The following DMXL1 variants were observed in gnomAD, a reference collection of about 807,000 sequenced individuals.
DMXL1 encodes Dmx like 1.
In DMXL1, 99 loss-of-function variants were observed where a neutral mutation model predicts 319.2. The observed-to-expected ratio is 0.31, with a 90% CI of 0.26 to 0.37. The LOEUF (loss-of-function observed/expected upper bound fraction) is 0.37, where lower values mean the gene tolerates loss of function less well. Among genes scored for constraint, DMXL1 ranks in the 10% least tolerant of loss-of-function variants. The pLI, the probability that DMXL1 is intolerant of heterozygous loss-of-function variation, is 1.00. For missense variants in DMXL1, 3,745 were observed against 3,595.6 expected, an observed-to-expected ratio of 1.04 and a Z score of -1.06; for synonymous variants, 1,385 against 1,235.2, an observed-to-expected ratio of 1.12 and a Z score of -2.54.
At position 119,129,355 on chromosome 5, in the gene DMXL1, G is replaced by A. The variant is rs752243740; in HGVS notation, c.1247G>A (p.Ser416Asn). 1.2e-6 allele frequency: 2 copies of A among 1,613,794 alleles called. No homozygotes were observed. Among genetic ancestry groups the A allele is most frequent in the Non-Finnish European group, 1.7e-6 (2 of 1,179,892 alleles). Residue 416 changes from serine (S) to asparagine (N), a missense_variant, in exon 10 of 44, where the codon AGT (serine) becomes AAT (asparagine). This residue lies in a region of DMXL1 where 2,096 missense variants were observed against 1,985.4 expected (regional missense o/e 1.06). Coordinates refer to ENST00000539542, the MANE Select transcript of DMXL1 (RefSeq NM_001290321.3). ...MEVFLQQLRK[S>N]FEQPSSEASV... ...GTTTTTTTACAGCAACTTAGAAAAA[G>A]TTTTGAACAACCATCTTCTGAGGCC...
intron 1 of DMXL1, chr5:119,081,591 A>C: frequency 1.1e-5 from 11 of 985,370 alleles, no homozygotes; most frequent in Non-Finnish European, 1.3e-5. Flanking sequence ...AAGAACTCCT[A>C]AGTGTTGGAT....
At chr5:119,095,171 T>C (rs1238751490) in intron 1 of DMXL1, among the ~76,000 whole-genome samples, 1 of 152,188 alleles carries the variant, frequency 6.6e-6, no homozygotes, top group Non-Finnish European at 1.5e-5. Context: ...AATAATTTTA[T>C]TTGATTTAAA....
intron 10 of DMXL1, among the ~76,000 whole-genome samples, chr5:119,130,492 G>A (rs1284127950): frequency 2.6e-5 from 4 of 152,002 alleles, no homozygotes; most frequent in Non-Finnish European, 5.9e-5. Context: ...ACAGGCATCC[G>A]CCACCACACC....
intron 1 of DMXL1, among the ~76,000 whole-genome samples, chr5:119,094,454 C>T (rs1755483119): frequency 1.3e-5 from 2 of 152,188 alleles, no homozygotes; most frequent in East Asian, 1.9e-4. Context: ...AAAAGATTTC[C>T]TTTCAAAATA....
At chr5:119,187,205 C>T (rs1440675700) in intron 28 of DMXL1, among the ~76,000 whole-genome samples, 1 of 152,176 alleles carries the variant, frequency 6.6e-6, no homozygotes, top group Non-Finnish European at 1.5e-5. Flanking sequence ...CCCTATACCT[C>T]TTAAAATTCA....
rs1561715287 is a variant in DMXL1 at position 119,146,889 on chromosome 5, C to G, written c.2622C>G (p.Cys874Trp). Residue 874 changes from cysteine to tryptophan, a missense_variant, in exon 16 of 44, where the codon TGC becomes TGG. Cys to Trp is a radical substitution (Grantham distance 215). This residue lies in a region of DMXL1 where 2,096 missense variants were observed against 1,985.4 expected (regional missense o/e 1.06). Coordinates refer to ENST00000539542, the MANE Select transcript of DMXL1 (RefSeq NM_001290321.3). ...SEKFYLIVIE[C>W]TQDNRSLLHM... The stretch of plus-strand genomic sequence containing the variant: ...AGTTCTACCTAATTGTAATAGAATG[C>G]ACTCAAGACAACCGTTCACTGTTAC... 6.2e-7 allele frequency: 1 copy of G among 1,611,242 alleles called. No individual in the cohort carries two copies. The highest frequency in any genetic ancestry group is 2.2e-5 in the East Asian group (1 of 44,756).
intron 26 of DMXL1, among the ~76,000 whole-genome samples, chr5:119,176,980 C>G (rs887425334): frequency 6.6e-6 from 1 of 151,998 alleles, no homozygotes; most frequent in East Asian, 1.9e-4. Context: ...CCTTATATGC[C>G]TAGTACCTGC....
At chr5:119,196,138 C>T (rs1376682206) in intron 30 of DMXL1, among the ~76,000 whole-genome samples, 1 of 152,068 alleles carries the variant, frequency 6.6e-6, no homozygotes, top group Admixed American at 6.6e-5. Flanking sequence ...TTCCATAGGT[C>T]AAAAATAGTT....
At chr5:119,119,085 A>T (rs1183684805) in intron 8 of DMXL1, 81 bp downstream of exon 8, 6 of 885,114 alleles carry the variant, frequency 6.8e-6, no homozygotes, top group African/African-American at 1.7e-5. Context: ...GTAATGTTAT[A>T]AAAAAACTAT....
chr5:119,133,152 G>T lies in DMXL1; in HGVS notation c.1336G>T (p.Asp446Tyr). ...SDEETDDGVD[D>Y]LKINPEKKEL... is the part of the protein sequence containing the mutation. ...TATAGAAACTGATGATGGTGTTGATGATCTGAAAATAAATCCCGAAAAGAA... is the reference window on the plus strand; with the variant it reads ...TATAGAAACTGATGATGGTGTTGATTATCTGAAAATAAATCCCGAAAAGAA... The change falls in exon 11 of 44, where the codon GAT becomes TAT. Residue 446 changes from aspartate to tyrosine, a missense_variant. Around this residue, in one of 4 missense-constraint regions of DMXL1, gnomAD observed 2,096 missense variants for 1,985.4 expected, o/e 1.06. Coordinates refer to ENST00000539542, the MANE Select transcript of DMXL1 (RefSeq NM_001290321.3). The T allele has an allele frequency of 3.1e-6, 5 of 1,614,068 alleles. No homozygotes were observed. The highest frequency in any genetic ancestry group is 1.1e-5 in the South Asian group (1 of 91,068).
intron 1 of DMXL1, among the ~76,000 whole-genome samples, chr5:119,082,020 TACAC>T (rs565047535): frequency 0.25 from 26,404 of 107,566 alleles, 3,699 homozygotes; most frequent in East Asian, 0.56. Context: ...TATATATATA[TACAC>T]ACACACACAC....
chr5:119,098,080 A>G lies in DMXL1; in HGVS notation c.189A>G (p.Val63=), dbSNP rs1251653268. The G allele has an allele frequency of 6.2e-7, 1 of 1,603,646 alleles. No individual in the cohort carries two copies. Among genetic ancestry groups the G allele is most frequent in the Non-Finnish European group, 8.5e-7 (1 of 1,177,384 alleles). Residue 63 remains valine (V), a synonymous_variant, in exon 2 of 44, where the codon GTA becomes GTG. Transcript: ENST00000539542. The part of the protein sequence containing the change: ...AKHGNIQVGC[V]DCSMQQGKIA... ...ATGGAAATATTCAAGTGGGATGTGT[A>G]GACTGTTCAATGCAACAAGGCAAGG...
At chr5:119,193,217 A>G (rs980657088) in intron 29 of DMXL1, among the ~76,000 whole-genome samples, 9 of 152,150 alleles carry the variant, frequency 5.9e-5, no homozygotes, top group African/African-American at 2.2e-4. Flanking sequence ...ACCATGGCCT[A>G]CAAGACCCTG....
At chr5:119,126,297 G>A (rs979411934) in intron 9 of DMXL1, among the ~76,000 whole-genome samples, 2 of 151,848 alleles carry the variant, frequency 1.3e-5, no homozygotes, top group Non-Finnish European at 2.9e-5. Context: ...AATAAAATAA[G>A]GTAAAATAAA....
intron 32 of DMXL1, among the ~76,000 whole-genome samples, chr5:119,198,999 G>A (rs10064518): frequency 6.6e-6 from 1 of 152,090 alleles, no homozygotes; most frequent in African/African-American, 2.4e-5. Context: ...CAGTCCTCCT[G>A]TCTCACCCTC....
At chr5:119,225,702 C>G (rs549337558) in intron 38 of DMXL1, among the ~76,000 whole-genome samples, 4 of 152,112 alleles carry the variant, frequency 2.6e-5, no homozygotes, top group African/African-American at 9.6e-5. Flanking sequence ...AAACAAGGCT[C>G]AAGAGAACCG....
At chr5:119,072,664 T>C (rs1749893097) in intron 1 of DMXL1, among the ~76,000 whole-genome samples, 1 of 152,250 alleles carries the variant, frequency 6.6e-6, no homozygotes, top group South Asian at 2.1e-4. Flanking sequence ...TCTGTGGTCT[T>C]TGTTGGTCAG....
chr5:119,125,937 G>C (rs1004938023), intron 9 of DMXL1, among the ~76,000 whole-genome samples: 4 of 152,066 alleles, frequency 2.6e-5, no homozygotes, highest in African/African-American at 9.7e-5. Context: ...AAGCATATAG[G>C]TTTTTTTCTT....
intron 9 of DMXL1, among the ~76,000 whole-genome samples, chr5:119,125,544 GTA>G (rs900602336): frequency 2.0e-5 from 3 of 151,746 alleles, no homozygotes; most frequent in Non-Finnish European, 4.4e-5. Context: ...TTTTGTGTGT[GTA>G]TATATATATG....
Sources: gnomAD v4.1 joint callset for allele counts (sites outside exome capture counted in the v4.1 genomes callset) on GRCh38, gnomAD v4.1.1 for gene constraint, gnomAD v4.1.1 regional missense constraint, MANE v1.5 for transcripts, NCBI Gene and HGNC (gene_info 2026-07-23, HGNC 2026-07-21) for gene names.